Variants in PRKCB observed in about 807,000 individuals in gnomAD.
PRKCB encodes protein kinase C beta, also known as protein kinase C beta type.
In PRKCB, 13 loss-of-function variants were observed where a neutral mutation model predicts 81.5. The ratio of observed to expected loss-of-function variants is 0.16; its 90% CI spans 0.10 to 0.25. The LOEUF is 0.25. PRKCB is among the 10% of genes least tolerant of loss of function. The probability of loss-of-function intolerance (pLI) is 1.00; values close to 1 mark genes in which losing one functional copy is unlikely to be tolerated. For missense variants in PRKCB, 509 were observed against 875.7 expected (o/e 0.58, Z 5.29); for synonymous variants, 335 against 321.4 (o/e 1.04, Z -0.45).
chr16:23,873,093 C>T (rs184517308), intron 2 of PRKCB, among the ~76,000 whole-genome samples: 1,575 of 146,864 alleles, frequency 0.011, 13 homozygotes, highest in Non-Finnish European at 0.015. Flanking sequence ...TTTGGGAGGT[C>T]GAGGTGGGTG....
chr16:23,889,423 T>C (rs1231042107), intron 2 of PRKCB, among the ~76,000 whole-genome samples: 2 of 152,264 alleles, frequency 1.3e-5, no homozygotes, highest in Non-Finnish European at 2.9e-5. Context: ...GCCTGGGTCA[T>C]AGCAGTGCTA....
At chr16:24,095,763 T>C (rs1297779280) in intron 7 of PRKCB, among the ~76,000 whole-genome samples, 1 of 152,102 alleles carries the variant, frequency 6.6e-6, no homozygotes, top group African/African-American at 2.4e-5. Context: ...GGTGGAGCCA[T>C]TGGTTACGAG....
At chr16:23,995,628 T>C (rs1366010127) in intron 3 of PRKCB, among the ~76,000 whole-genome samples, 2 of 152,014 alleles carry the variant, frequency 1.3e-5, no homozygotes, top group African/African-American at 2.4e-5. Flanking sequence ...CACCGAGCCA[T>C]AAAGTGGGCA....
chr16:24,049,047 G>GTTTTTTTTTTTTTTT (rs1160842975), intron 5 of PRKCB, among the ~76,000 whole-genome samples: 5 of 49,694 alleles, frequency 1.0e-4, no homozygotes, highest in Non-Finnish European at 1.0e-4. Context: ...AAATTGGCCT[G>GTTTTTTTTTTTTTTT]TTTTTTTTTT....
rs1555498212 is a variant in PRKCB, at chr16:24,122,468, T to TTTTTTTTTTTTTTTTC, written c.919-1367_919-1366insTTTTTTTTTTTTTTTC. Among the ~76,000 whole-genome samples, 4 of 138,930 alleles carry TTTTTTTTTTTTTTTTC rather than the reference T, an allele frequency of 2.9e-5. 1 individual carries two copies. The highest frequency in any genetic ancestry group is 1.3e-4 in the African/African-American group (4 of 30,280). 91.1% of individuals were successfully genotyped at this position (138,930 alleles called of 152,430 possible). On this transcript the variant is annotated intron_variant, in intron 8 of 16. Coordinates refer to ENST00000643927, the MANE Select transcript of PRKCB (RefSeq NM_002738.7). The stretch of plus-strand genomic sequence containing the variant: ...ACGAGGCTTTTTTTTTTTTTTTTTT[T>TTTTTTTTTTTTTTTTC]AGTGAGAGAGAGATGGGATCTCACT...
intron 5 of PRKCB, among the ~76,000 whole-genome samples, chr16:24,082,471 A>G (rs912359928): frequency 1.3e-5 from 2 of 152,238 alleles, no homozygotes; most frequent in African/African-American, 4.8e-5. Flanking sequence ...TACTATATAA[A>G]GCTTCAGTAA....
At chr16:24,055,323 G>A (rs1267309111) in intron 5 of PRKCB, among the ~76,000 whole-genome samples, 1 of 152,264 alleles carries the variant, frequency 6.6e-6, no homozygotes, top group Non-Finnish European at 1.5e-5. Flanking sequence ...CCGCTGCTGA[G>A]TCCTCATCAG....
intron 2 of PRKCB, among the ~76,000 whole-genome samples, chr16:23,871,858 GTTTTT>G (rs61498403): frequency 0.13 from 18,822 of 146,746 alleles, 1,466 homozygotes; most frequent in South Asian, 0.26. Flanking sequence ...AGTTATACAG[GTTTTT>G]TTTTTTTTTT....
chr16:23,911,901 G>A (rs994138551), intron 2 of PRKCB, among the ~76,000 whole-genome samples: 1 of 142,178 alleles, frequency 7.0e-6, no homozygotes, highest in African/African-American at 2.6e-5. Context: ...GCAGGATCTC[G>A]GCTCACTGCA....
chr16:24,160,460 G>A (rs889395225), intron 10 of PRKCB, among the ~76,000 whole-genome samples: 5 of 152,162 alleles, frequency 3.3e-5, no homozygotes, highest in African/African-American at 9.7e-5. Context: ...CTTCAGAGGA[G>A]GCAGTGGAGC....
chr16:24,154,933 C>A, intron 10 of PRKCB, 76 bp downstream of exon 10: 1 of 1,492,438 alleles, frequency 6.7e-7, no homozygotes. Flanking sequence ...CTTAGCAGCA[C>A]CCAGCACAGA....
rs1463241113 is a variant in PRKCB at position 23,990,919 on chromosome 16, A to G, written c.288+2329A>G. 5.3e-5 allele frequency among the ~76,000 whole-genome samples: 8 copies of G among 152,280 alleles called. No individual in the cohort carries two copies. The East Asian group carries it at 1.5e-3, about 29-fold the overall frequency. ...GGCTTTCCACCATGCACAGTCTTTC[A>G]TTGCCCAATAATGAACTGCATTCAG... On this transcript the variant is annotated intron_variant, in intron 3 of 16. Transcript: ENST00000643927.
At chr16:23,870,318 T>A (rs961365080) in intron 2 of PRKCB, among the ~76,000 whole-genome samples, 19 of 152,230 alleles carry the variant, frequency 1.2e-4, no homozygotes, top group African/African-American at 4.6e-4. Context: ...ATATGTTCAT[T>A]ACAATGGGGG....
chr16:24,115,687 G>A (rs564879272), intron 8 of PRKCB, among the ~76,000 whole-genome samples: 22 of 152,152 alleles, frequency 1.4e-4, no homozygotes, highest in East Asian at 3.9e-4. Flanking sequence ...TATCCCAAGA[G>A]CATTTACCCA....
chr16:24,160,679 C>A (rs56977728), intron 10 of PRKCB, among the ~76,000 whole-genome samples: 18,647 of 152,134 alleles, frequency 0.12, 1,203 homozygotes, highest in East Asian at 0.22. Flanking sequence ...TTTACATTCT[C>A]TTGGGGGAGA....
chr16:23,872,901 G>A (rs936456106), intron 2 of PRKCB, among the ~76,000 whole-genome samples: 8 of 151,832 alleles, frequency 5.3e-5, no homozygotes, highest in Admixed American at 2.6e-4. Context: ...GACTTGGCCC[G>A]GCGTGGTGTC....
intron 2 of PRKCB, among the ~76,000 whole-genome samples, chr16:23,980,507 A>G (rs1964682888): frequency 2.6e-5 from 4 of 152,220 alleles, no homozygotes; most frequent in Admixed American, 2.6e-4. Flanking sequence ...AGGTACTGTG[A>G]TAAAATAAGG....
chr16:23,924,744 T>C (rs1304189306), intron 2 of PRKCB, among the ~76,000 whole-genome samples: 1 of 152,124 alleles, frequency 6.6e-6, no homozygotes, highest in African/African-American at 2.4e-5. Context: ...GAGTAGATTT[T>C]AAGTGTTCTC....
At chr16:24,083,873 G>A (rs1351217112) in intron 5 of PRKCB, among the ~76,000 whole-genome samples, 3 of 152,012 alleles carry the variant, frequency 2.0e-5, no homozygotes, top group Non-Finnish European at 4.4e-5. Flanking sequence ...GTTATAGGCA[G>A]AAAATAAGCT....
Sources: allele counts gnomAD v4.1 joint callset (sites outside exome capture counted in the v4.1 genomes callset), GRCh38; gene constraint gnomAD v4.1.1; transcripts MANE v1.5; gene names NCBI Gene and HGNC (gene_info 2026-07-23, HGNC 2026-07-21).